LGSN: variants seen among roughly 807,000 people sequenced by gnomAD.
The protein encoded by LGSN is lengsin, lens protein with glutamine synthetase domain.
LGSN carries 21 observed loss-of-function variants against 19.5 expected under a neutral mutation model. That is an observed-to-expected ratio of 1.07 (90% CI 0.76 to 1.55). LGSN has a LOEUF of 1.55. Ranked by LOEUF, LGSN falls within the 40% of genes most tolerant of loss-of-function variation. The pLI is 0.00. For synonymous variants in LGSN, 257 were observed against 215.6 expected (o/e 1.19, Z -1.68); for missense variants, 673 against 608.5 (o/e 1.11, Z -1.12).
chr6:63,505,566 AAAG>A, the LGSN span, among the ~76,000 whole-genome samples: 482 of 21,768 alleles, frequency 0.022, 49 homozygotes, highest in South Asian at 0.09. Flanking sequence ...AAAAAAAAAA[AAAG>A]AAAGAAAGAA....
the LGSN span, among the ~76,000 whole-genome samples, chr6:63,454,518 G>A: frequency 6.7e-6 from 1 of 148,848 alleles, no homozygotes; most frequent in Non-Finnish European, 1.5e-5. Context: ...TGTCACAAGG[G>A]CTGGAGTGCA....
At chr6:63,326,562 G>C in the LGSN span, among the ~76,000 whole-genome samples, 2 of 152,008 alleles carry the variant, frequency 1.3e-5, no homozygotes, top group African/African-American at 2.4e-5. Flanking sequence ...GGAGGCTCAG[G>C]CATGGCGGGC....
At chr6:63,367,393 A>G in the LGSN span, among the ~76,000 whole-genome samples, 1 of 152,196 alleles carries the variant, frequency 6.6e-6, no homozygotes, top group Non-Finnish European at 1.5e-5. Context: ...ACAATGAGAT[A>G]CCATCTCACA....
chr6:63,439,097 C>G, the LGSN span, among the ~76,000 whole-genome samples: 4 of 152,120 alleles, frequency 2.6e-5, no homozygotes, highest in African/African-American at 9.6e-5. Context: ...AGTAAACTAT[C>G]GCAAGAACAA....
chr6:63,281,280 C>A, intron 3 of LGSN, 60 bp from the exon 4 acceptor site: 3 of 1,169,170 alleles, frequency 2.6e-6, no homozygotes, highest in Admixed American at 3.4e-5. Context: ...GGTCGGGGGG[C>A]GGCGGGAAAG....
the LGSN span, among the ~76,000 whole-genome samples, chr6:63,497,801 T>A: frequency 6.6e-6 from 1 of 152,166 alleles, no homozygotes; most frequent in East Asian, 1.9e-4. Flanking sequence ...AGTGAGATAG[T>A]TGACATAAAT....
chr6:63,393,292 C>G, the LGSN span, among the ~76,000 whole-genome samples: 1 of 152,020 alleles, frequency 6.6e-6, no homozygotes, highest in African/African-American at 2.4e-5. Context: ...CTCAGCCTCT[C>G]CTCCCCAACC....
the LGSN span, among the ~76,000 whole-genome samples, chr6:63,569,325 G>A: frequency 2.6e-5 from 4 of 152,176 alleles, no homozygotes; most frequent in Non-Finnish European, 4.4e-5. Flanking sequence ...CCATGATCTC[G>A]GCTCACTGCA....
At chr6:63,356,057 C>A in the LGSN span, among the ~76,000 whole-genome samples, 1 of 150,976 alleles carries the variant, frequency 6.6e-6, no homozygotes, top group Non-Finnish European at 1.5e-5. Flanking sequence ...ATATATATGT[C>A]CAAATTTCCC....
the LGSN span, among the ~76,000 whole-genome samples, chr6:63,435,011 A>G: frequency 6.6e-6 from 1 of 152,244 alleles, no homozygotes; most frequent in African/African-American, 2.4e-5. Context: ...ATTCAGGAGC[A>G]ATATGTACGC....
At chr6:63,323,880 T>C (rs932279502), upstream of LGSN, among the ~76,000 whole-genome samples, 2 of 151,340 alleles carry the variant, frequency 1.3e-5, no homozygotes, top group African/African-American at 4.9e-5. Context: ...CAAGCAATTC[T>C]CCTGCCTCAG....
the LGSN span, among the ~76,000 whole-genome samples, chr6:63,506,202 T>C: frequency 6.6e-6 from 1 of 152,134 alleles, no homozygotes; most frequent in African/African-American, 2.4e-5. Flanking sequence ...TACATATTGA[T>C]TTTTCTCATG....
chr6:63,522,948 T>C, the LGSN span, among the ~76,000 whole-genome samples: 18 of 148,338 alleles, frequency 1.2e-4, no homozygotes, highest in Admixed American at 1.2e-3. Flanking sequence ...AACTGCAACC[T>C]CTGCCTCCCA....
the LGSN span, among the ~76,000 whole-genome samples, chr6:63,327,972 G>C: frequency 6.6e-6 from 1 of 152,172 alleles, no homozygotes; most frequent in African/African-American, 2.4e-5. Flanking sequence ...GGCATCCAGT[G>C]GGGGTTCCCA....
chr6:63,394,112 C>T, the LGSN span, among the ~76,000 whole-genome samples: 1 of 152,176 alleles, frequency 6.6e-6, no homozygotes, highest in East Asian at 1.9e-4. Context: ...ACTAAAAATA[C>T]AAAAATTAGC....
intron 1 of LGSN, among the ~76,000 whole-genome samples, chr6:63,306,269 T>C (rs891503247): frequency 6.6e-6 from 1 of 152,194 alleles, no homozygotes; most frequent in African/African-American, 2.4e-5. Flanking sequence ...TGAGGAAGAA[T>C]AGGAATTCAA....
rs751293394 is a variant in LGSN at position 63,294,912 on chromosome 6, C to T, written c.163+1G>A. 1 of 1,613,750 alleles carries T rather than the reference C, an allele frequency of 6.2e-7. No individual in the cohort carries two copies. The highest frequency in any genetic ancestry group is 1.1e-5 in the South Asian group (1 of 91,078). On this transcript the variant is annotated splice_donor_variant, in intron 2 of 3. Coordinates refer to ENST00000370657, the MANE Select transcript of LGSN (RefSeq NM_016571.3). LOFTEE classifies it high-confidence loss of function. ...TTTGAGGACTCAGAGTAGTTAGATA[C>T]CATTTGAATTGGACATATCCGTTTC...
At chr6:63,496,657 T>C in the LGSN span, among the ~76,000 whole-genome samples, 1 of 151,722 alleles carries the variant, frequency 6.6e-6, no homozygotes, top group African/African-American at 2.4e-5. Flanking sequence ...GGTGCAATTA[T>C]AGATTACTAT....
At chr6:63,289,401 C>CT (rs1767680162) in intron 2 of LGSN, among the ~76,000 whole-genome samples, 1 of 152,268 alleles carries the variant, frequency 6.6e-6, no homozygotes, top group Admixed American at 6.5e-5. Flanking sequence ...ATAAATCATA[C>CT]TTGTTATTTA....
Sources: allele counts gnomAD v4.1 joint callset (sites outside exome capture counted in the v4.1 genomes callset), GRCh38; gene constraint gnomAD v4.1.1; transcripts MANE v1.5; gene names NCBI Gene and HGNC (gene_info 2026-07-23, HGNC 2026-07-21).